The following HECW2 variants were observed in gnomAD, a reference collection of about 807,000 sequenced individuals.
The protein encoded by HECW2 is E3 ubiquitin-protein ligase HECW2.
Under a neutral mutation model 175.2 loss-of-function variants are expected in HECW2, and 61 were observed. The ratio of observed to expected loss-of-function variants is 0.35; its 90% confidence interval spans 0.28 to 0.43. The LOEUF (loss-of-function observed/expected upper bound fraction) is 0.43. Among genes scored for constraint, HECW2 ranks in the 20% least tolerant of loss-of-function variants. The pLI is 1.00. For synonymous variants in HECW2, 671 were observed against 731.0 expected, an observed-to-expected ratio of 0.92 and a Z score of 1.32; for missense variants, 1,524 against 2,000.5, an observed-to-expected ratio of 0.76 and a Z score of 4.54.
intron 19 of HECW2, among the ~76,000 whole-genome samples, chr2:196,252,997 G>A (rs1688914751): frequency 6.6e-6 from 1 of 152,212 alleles, no homozygotes; most frequent in African/African-American, 2.4e-5. Context: ...GGAAGAAACT[G>A]TATTATTCAT....
intron 1 of HECW2, among the ~76,000 whole-genome samples, chr2:196,571,032 C>T (rs78378818): frequency 0.046 from 7,057 of 152,236 alleles, 188 homozygotes; most frequent in Middle Eastern, 0.11. Flanking sequence ...ATATATTTCC[C>T]CAATAACCTA....
At chr2:196,347,990 A>G (rs893336970) in intron 2 of HECW2, among the ~76,000 whole-genome samples, 4 of 152,254 alleles carry the variant, frequency 2.6e-5, no homozygotes, top group Admixed American at 1.3e-4. Context: ...GGCTACTACA[A>G]TCTCTACAAC....
At chr2:196,234,418 T>C (rs1319773715) in intron 21 of HECW2, among the ~76,000 whole-genome samples, 1 of 151,796 alleles carries the variant, frequency 6.6e-6, no homozygotes. Flanking sequence ...CTCCCAAGTA[T>C]CTAGGACTAC....
At chr2:196,282,253 T>A (rs374710596) in intron 14 of HECW2, among the ~76,000 whole-genome samples, 55 of 152,322 alleles carry the variant, frequency 3.6e-4, no homozygotes, top group African/African-American at 1.2e-3. Context: ...TGATCCTTCG[T>A]TCTGTCCTTC....
intron 1 of HECW2, among the ~76,000 whole-genome samples, chr2:196,585,233 T>C (rs551125544): frequency 1.3e-5 from 2 of 152,334 alleles, no homozygotes; most frequent in South Asian, 2.1e-4. Flanking sequence ...TGTTTTCCAT[T>C]AGATTCTGTC....
chr2:196,514,864 G>A (rs549892905), intron 1 of HECW2, among the ~76,000 whole-genome samples: 1 of 152,300 alleles, frequency 6.6e-6, no homozygotes, highest in Non-Finnish European at 1.5e-5. Context: ...ATTCTTCCTG[G>A]ATGCAGGACA....
intron 1 of HECW2, among the ~76,000 whole-genome samples, chr2:196,528,576 A>G (rs1688745713): frequency 6.6e-6 from 1 of 152,220 alleles, no homozygotes; most frequent in African/African-American, 2.4e-5. Context: ...TCAACCAACC[A>G]GAACAGGATG....
intron 1 of HECW2, among the ~76,000 whole-genome samples, chr2:196,511,875 G>A (rs577578910): frequency 1.3e-5 from 2 of 152,314 alleles, no homozygotes; most frequent in African/African-American, 4.8e-5. Flanking sequence ...ATTCAGAGCA[G>A]GCCCTGTGAT....
At chr2:196,448,436 C>T (rs190380242) in intron 1 of HECW2, among the ~76,000 whole-genome samples, 16 of 152,316 alleles carry the variant, frequency 1.1e-4, no homozygotes, top group Admixed American at 3.3e-4. Context: ...CAATATGCTA[C>T]GCCTCCTGTG....
chr2:196,215,801 T>C (rs1687455575), intron 28 of HECW2, 64 bp downstream of exon 28: 1 of 1,138,138 alleles, frequency 8.8e-7, no homozygotes, highest in Admixed American at 1.8e-5. Context: ...TTAATCAATA[T>C]ATACATAAAT....
intron 1 of HECW2, among the ~76,000 whole-genome samples, chr2:196,590,441 C>T (rs543029054): frequency 6.6e-6 from 1 of 152,142 alleles, no homozygotes; most frequent in Non-Finnish European, 1.5e-5. Flanking sequence ...CATTCCCTAT[C>T]CAACACACCA....
intron 1 of HECW2, among the ~76,000 whole-genome samples, chr2:196,529,824 G>C (rs545151188): frequency 6.6e-6 from 1 of 152,166 alleles, no homozygotes; most frequent in Non-Finnish European, 1.5e-5. Flanking sequence ...AAACATCTCT[G>C]TTCTTTTGGC....
chr2:196,204,095 T>C (rs1686973908), intron 28 of HECW2, among the ~76,000 whole-genome samples: 1 of 152,226 alleles, frequency 6.6e-6, no homozygotes, highest in Non-Finnish European at 1.5e-5. Flanking sequence ...TTTTCTTTAT[T>C]CATTCATCCA....
intron 18 of HECW2, among the ~76,000 whole-genome samples, chr2:196,256,835 C>T (rs890560910): frequency 4.6e-5 from 7 of 152,216 alleles, no homozygotes; most frequent in Non-Finnish European, 1.0e-4. Flanking sequence ...ACCATAGGTC[C>T]TATTCAGAGT....
chr2:196,581,366 C>G (rs908812455), intron 1 of HECW2, among the ~76,000 whole-genome samples: 1 of 152,066 alleles, frequency 6.6e-6, no homozygotes, highest in Non-Finnish European at 1.5e-5. Flanking sequence ...AAAACCCCAT[C>G]TCTACTAAAA....
intron 2 of HECW2, among the ~76,000 whole-genome samples, chr2:196,397,008 G>A (rs1694686199): frequency 6.6e-6 from 1 of 152,132 alleles, no homozygotes; most frequent in Non-Finnish European, 1.5e-5. Context: ...ACCTACTCGG[G>A]AAGCTGAGGC....
At position 196,214,216 on chromosome 2, in the gene HECW2, G is replaced by GT. The variant is rs562313174; in HGVS notation, c.4607+1648dup. 1.5e-4 allele frequency among the ~76,000 whole-genome samples: 23 copies of GT among 152,276 alleles called. No homozygotes were observed. In the East Asian group the frequency reaches 3.1e-3, roughly 20 times the overall value. ...CAACTTCACCAAGACCCTGCTGCAGGTAAGTAACAGAGGTGGGACTCAGCC... is the reference window on the plus strand; with the variant it reads ...CAACTTCACCAAGACCCTGCTGCAGGTTAAGTAACAGAGGTGGGACTCAGCC... On this transcript the variant is annotated intron_variant, in intron 28 of 28. Coordinates refer to ENST00000644978, the MANE Select transcript of HECW2 (RefSeq NM_001348768.2).
rs114614857 is a variant in HECW2, at chr2:196,253,087, T to C, written c.3529+833A>G. Reference sequence around the variant, plus strand: ...AATCTGTGTTAAATGAACATATTAATACATCTTTTCCTGTTTGCAGTATCC... The same window carrying C: ...AATCTGTGTTAAATGAACATATTAACACATCTTTTCCTGTTTGCAGTATCC... On this transcript the variant is annotated intron_variant, in intron 19 of 28. Transcript: ENST00000644978. Among the ~76,000 whole-genome samples the C allele has an allele frequency of 4.7e-3, 712 of 152,376 alleles. 6 individuals are homozygous for C. Among genetic ancestry groups the C allele is most frequent in the African/African-American group, 0.017 (691 of 41,586 alleles).
At chr2:196,327,092 T>A (rs56247745) in intron 5 of HECW2, among the ~76,000 whole-genome samples, 36,081 of 152,098 alleles carry the variant, frequency 0.24, 5,297 homozygotes, top group African/African-American at 0.41. Flanking sequence ...CAAAAAAGGG[T>A]TCTCTTTGTA....
Sources: allele counts gnomAD v4.1 joint callset (sites outside exome capture counted in the v4.1 genomes callset), GRCh38; gene constraint gnomAD v4.1.1; transcripts MANE v1.5; gene names NCBI Gene and HGNC (gene_info 2026-07-23, HGNC 2026-07-21).